The following LMBRD2 variants were observed in gnomAD, a reference collection of about 807,000 sequenced individuals.
LMBRD2 encodes the protein G protein-coupled receptor-associated protein LMBRD2.
A neutral mutation model predicts 94.4 loss-of-function variants in LMBRD2; 55 were observed. The observed-to-expected ratio is 0.58, with a 90% CI of 0.47 to 0.73. The LOEUF (loss-of-function observed/expected upper bound fraction) is 0.73, where lower values mean the gene tolerates loss of function less well. LMBRD2 is among the 30% of genes least tolerant of loss of function. The pLI, the probability that LMBRD2 is intolerant of heterozygous loss-of-function variation, is 0.00. For missense variants in LMBRD2, 640 were observed against 831.9 expected, an observed-to-expected ratio of 0.77 and a Z score of 2.84; for synonymous variants, 246 against 272.4, an observed-to-expected ratio of 0.90 and a Z score of 0.95.
intron 17 of LMBRD2, 122 bp from the exon 18 acceptor site, chr5:36,104,228 T>C (rs1295146812): frequency 2.8e-6 from 2 of 725,170 alleles, no homozygotes; most frequent in Admixed American, 2.3e-5. Context: ...ATCTAGTCAG[T>C]AGCTGAAAGC....
At chr5:36,142,634 T>A (rs764891008) in intron 2 of LMBRD2, 35 bp from the exon 3 acceptor site, 1 of 1,238,840 alleles carries the variant, frequency 8.1e-7, no homozygotes, top group South Asian at 1.2e-5. Context: ...AAAATGAGAA[T>A]CAAAAGGTTA....
chr5:36,105,118 A>C lies in LMBRD2; in HGVS notation c.1977T>G (p.Asp659Glu). 6.2e-7 allele frequency: 1 copy of C among 1,613,034 alleles called. No individual in the cohort carries two copies. The highest frequency in any genetic ancestry group is 2.2e-5 in the East Asian group (1 of 44,806). Reference protein sequence around the residue: ...IELLQDAEPLDFNAETFTDDP... With the variant: ...IELLQDAEPLEFNAETFTDDP... ...CATCAGTGAATGTTTCTGCATTAAA[A>C]TCCAAAGGTTCTGCATCTTGGAGAA... Residue 659 changes from aspartate to glutamate, a missense_variant, in exon 17 of 18, where the codon GAT becomes GAG. Physicochemically the swap from Asp to Glu is conservative, Grantham distance 45 (BLOSUM62 2). Around this residue, in one of 2 missense-constraint regions of LMBRD2, gnomAD observed 183 missense variants for 189.1 expected, o/e 0.97. Transcript: ENST00000296603.
At chr5:36,118,655 G>GTT (rs755231683) in intron 9 of LMBRD2, among the ~76,000 whole-genome samples, 1,436 of 142,452 alleles carry the variant, frequency 0.01, 17 homozygotes, top group Admixed American at 0.039. Context: ...TTGGTTTTTT[G>GTT]TTTTTTTTTT....
intron 15 of LMBRD2, among the ~76,000 whole-genome samples, chr5:36,109,134 TTAG>T (rs1439620518): frequency 6.6e-6 from 1 of 152,150 alleles, no homozygotes; most frequent in Non-Finnish European, 1.5e-5. Flanking sequence ...CATTAAATTC[TTAG>T]AATTGAAAGG....
rs1352828210 is a variant in LMBRD2, at chr5:36,103,035, CAA to C, written c.*1009_*1010del. ...CTATTTAGTAAGAATGTTTAACCAA[CAA>C]GTTATTACACATTTCCATTCTAATA... On this transcript the variant is annotated 3_prime_UTR_variant, in exon 18 of 18. Transcript: ENST00000296603. 1 of 151,920 alleles carries C rather than the reference CAA, an allele frequency of 6.6e-6. No individual in the cohort carries two copies. Among genetic ancestry groups the C allele is most frequent in the Non-Finnish European group, 1.5e-5 (1 of 67,774 alleles). The allele number at this position is 151,920 out of a possible 1,614,324, so 9.4% of individuals were successfully genotyped here.
chr5:36,148,186 G>A (rs982774448), intron 1 of LMBRD2, among the ~76,000 whole-genome samples: 1 of 151,426 alleles, frequency 6.6e-6, no homozygotes, highest in African/African-American at 2.4e-5. Context: ...TTTCAGGTAT[G>A]AGAGAGTTCA....
At position 36,103,188 on chromosome 5, in the gene LMBRD2, AT is replaced by A. The variant is rs944027110; in HGVS notation, c.*857del. 2 of 152,114 alleles carry A rather than the reference AT, an allele frequency of 1.3e-5. No homozygotes were observed. Among genetic ancestry groups the A allele is most frequent in the African/African-American group, 2.4e-5 (1 of 41,372 alleles). 9.4% of individuals were successfully genotyped at this position (152,114 alleles called of 1,614,324 possible). On this transcript the variant is annotated 3_prime_UTR_variant, in exon 18 of 18. Transcript: ENST00000296603. ...AGCAGGTACCTTTAAATACTGAAGG[AT>A]TTTGTTGGACTCTTTGACTACTTAA... is the stretch of plus-strand genomic sequence containing the variant.
chr5:36,113,574 A>G (rs914808666), intron 13 of LMBRD2, among the ~76,000 whole-genome samples: 1 of 152,196 alleles, frequency 6.6e-6, no homozygotes, highest in South Asian at 2.1e-4. Flanking sequence ...ATTTTAAACA[A>G]TATCTGTTTA....
chr5:36,128,584 G>A (rs1427035036), intron 6 of LMBRD2, among the ~76,000 whole-genome samples: 5 of 152,120 alleles, frequency 3.3e-5, no homozygotes, highest in Admixed American at 2.6e-4. Context: ...GCTGGGTGGT[G>A]GTGTGTGCCT....
In LMBRD2 at chr5:36,122,377, T is replaced by C. The variant is rs1743906317; in HGVS notation, c.1023A>G (p.Ala341=). ...GATGAGTAGCACTAGTTTCATTTTT[T>C]GCTACATCTTCTAGATAAAATGCTT... The part of the protein sequence containing the change: ...LEQAFYLEDV[A]KNETSATHQF... Residue 341 remains alanine, a synonymous_variant, in exon 9 of 18, where the codon GCA becomes GCG. Transcript: ENST00000296603. 1.9e-6 allele frequency: 3 copies of C among 1,613,492 alleles called. No homozygotes were observed. The highest frequency in any genetic ancestry group is 2.5e-6 in the Non-Finnish European group (3 of 1,179,678).
chr5:36,136,112 C>G (rs1304443178), intron 6 of LMBRD2, among the ~76,000 whole-genome samples, 197 bp downstream of exon 6: 1 of 152,184 alleles, frequency 6.6e-6, no homozygotes, highest in African/African-American at 2.4e-5. Flanking sequence ...CTCTGTCAGA[C>G]AGAAGATGGA....
intron 1 of LMBRD2, among the ~76,000 whole-genome samples, chr5:36,149,702 T>A (rs1744642729): frequency 6.6e-6 from 1 of 152,120 alleles, no homozygotes; most frequent in Non-Finnish European, 1.5e-5. Flanking sequence ...AGGTCGGGAG[T>A]TCGAGACCAG....
At position 36,117,638 on chromosome 5, in the gene LMBRD2, C is replaced by T. The variant is rs1743789055; in HGVS notation, c.1302+97G>A. ...AATAACAACACTGCAGAAAACCTCA[C>T]TGCTTTCATTTTTACTAGAAGAAAT... On this transcript the variant is annotated intron_variant, in intron 10 of 17. Transcript: ENST00000296603. 4.7e-6 allele frequency: 4 copies of T among 858,218 alleles called. No individual in the cohort carries two copies. In the Admixed American group the frequency reaches 9.9e-5, roughly 21 times the overall value. The allele number at this position is 858,218 out of a possible 1,614,324, so 53.2% of individuals were successfully genotyped here. A position where few individuals can be genotyped will look rare whatever the true frequency, so the allele number is the denominator to read the frequency against.
Position 36,108,549 on chromosome 5 carries a change from C to T in LMBRD2, c.1882G>A (p.Val628Ile), listed in dbSNP as rs1260528622. 5.7e-6 allele frequency: 9 copies of T among 1,571,300 alleles called. No homozygotes were observed. The highest frequency in any genetic ancestry group is 7.0e-6 in the Non-Finnish European group (8 of 1,148,378). ...TDPKESNFSD[V>I]NTNRSAFKYT... is the part of the protein sequence containing the mutation. ...AACTACTTACAACGGTTGGTATTAA[C>T]ATCTGAGAAGTTTGACTCTTTGGGG... The change falls in exon 16 of 18, where the codon GTT becomes ATT. Residue 628 changes from valine (V) to isoleucine (I), a missense_variant. Physicochemically the swap from Val to Ile is conservative, Grantham distance 29. Transcript: ENST00000296603.
chr5:36,137,673 C>T (rs897801007), intron 4 of LMBRD2, among the ~76,000 whole-genome samples: 29 of 152,148 alleles, frequency 1.9e-4, no homozygotes, highest in African/African-American at 6.5e-4. Flanking sequence ...AGAGTCTGGA[C>T]TACATTCAAA....
At chr5:36,127,975 C>A (rs570675721) in intron 6 of LMBRD2, among the ~76,000 whole-genome samples, 32 of 152,208 alleles carry the variant, frequency 2.1e-4, no homozygotes, top group Non-Finnish European at 4.1e-4. Flanking sequence ...AACTTCAGGT[C>A]TAACTCAGTG....
At chr5:36,115,715 T>TACACATAC (rs1743725508) in intron 11 of LMBRD2, among the ~76,000 whole-genome samples, 1 of 149,906 alleles carries the variant, frequency 6.7e-6, no homozygotes, top group African/African-American at 2.4e-5. Context: ...TACAGGAATC[T>TACACATAC]ACACACACAC....
At chr5:36,108,785 CAAT>C (rs1743534968) in intron 15 of LMBRD2, 146 bp from the exon 16 acceptor site, 1 of 409,956 alleles carries the variant, frequency 2.4e-6, no homozygotes, top group African/African-American at 2.1e-5. Flanking sequence ...AATCATAGGT[CAAT>C]GTTTTTATTT....
intron 16 of LMBRD2, 69 bp downstream of exon 16, chr5:36,108,465 A>C: frequency 1.4e-6 from 1 of 696,854 alleles, no homozygotes; most frequent in Non-Finnish European, 2.4e-6. Flanking sequence ...GTGTATTCTA[A>C]CACTCAATCT....
Sources: gnomAD v4.1 joint callset for allele counts (sites outside exome capture counted in the v4.1 genomes callset) on GRCh38, gnomAD v4.1.1 for gene constraint, gnomAD v4.1.1 regional missense constraint, MANE v1.5 for transcripts, NCBI Gene and HGNC (gene_info 2026-07-23, HGNC 2026-07-21) for gene names.